The following HIP1R variants were observed in gnomAD, a reference collection of about 807,000 sequenced individuals.
HIP1R encodes the protein huntingtin interacting protein 1 related.
A neutral mutation model predicts 144.2 loss-of-function variants in HIP1R; 135 were observed. That is an observed-to-expected ratio of 0.94 (90% CI 0.81 to 1.08). The LOEUF (loss-of-function observed/expected upper bound fraction) is 1.08, where lower values mean the gene tolerates loss of function less well. HIP1R is among the 50% of genes least tolerant of loss of function. The pLI is 0.00. For synonymous variants in HIP1R, 698 were observed against 612.8 expected (o/e 1.14, Z -2.05); for missense variants, 1,462 against 1,432.8 (o/e 1.02, Z -0.33).
Position 122,861,296 on chromosome 12 carries a change from G to T in HIP1R, c.2953-12G>T. ...GAGGCTGGGCTGGGCTGAGCAGGCC[G>T]TGTGGCTACAGGTGCGTGTCCTGGA... On this transcript the variant is annotated splice_polypyrimidine_tract_variant and intron_variant, in intron 30 of 31. Transcript: ENST00000253083. The T allele has an allele frequency of 6.2e-7, 1 of 1,613,646 alleles. No homozygotes were observed. The highest frequency in any genetic ancestry group is 8.5e-7 in the Non-Finnish European group (1 of 1,179,962).
chr12:122,836,288 G>A lies in HIP1R; in HGVS notation c.93+645G>A, dbSNP rs1015780891. On this transcript the variant is annotated intron_variant, in intron 1 of 31. Coordinates refer to ENST00000253083, the MANE Select transcript of HIP1R (RefSeq NM_003959.3). The surrounding 1 kb of genome is among the most constrained non-coding windows in gnomAD (Gnocchi z 4.1). ...CGCCAGACTTGTTTGCCCGAGCGCTGCCCACGTATAAATAGGTGCACACCC... is the reference window on the plus strand; with the variant it reads ...CGCCAGACTTGTTTGCCCGAGCGCTACCCACGTATAAATAGGTGCACACCC... Among the ~76,000 whole-genome samples, 3 of 152,174 alleles carry A rather than the reference G, an allele frequency of 2.0e-5. No individual in the cohort carries two copies. Among genetic ancestry groups the A allele is most frequent in the Admixed American group, 6.5e-5 (1 of 15,280 alleles).
chr12:122,862,201 T>A lies in HIP1R; in HGVS notation c.*448T>A. ...AAGGCACACAGCCCGTGCCGGCTGA[T>A]GGGACGAGGGTCAGGCATCCTGTCT... On this transcript the variant is annotated 3_prime_UTR_variant, in exon 32 of 32. Coordinates refer to ENST00000253083, the MANE Select transcript of HIP1R (RefSeq NM_003959.3). 6.0e-6 allele frequency: 1 copy of A among 166,632 alleles called. No individual in the cohort carries two copies. Among genetic ancestry groups the A allele is most frequent in the East Asian group, 1.8e-4 (1 of 5,440 alleles). 10.3% of individuals were successfully genotyped at this position (166,632 alleles called of 1,614,324 possible). A position where few individuals can be genotyped will look rare whatever the true frequency, so the allele number is the denominator to read the frequency against.
intron 1 of HIP1R, among the ~76,000 whole-genome samples, chr12:122,847,092 G>A (rs2033230292): frequency 6.6e-6 from 1 of 152,208 alleles, no homozygotes; most frequent in Admixed American, 6.5e-5. Context: ...TCGAGGCCCT[G>A]TCCCTCCCGC....
chr12:122,840,478 C>T lies in HIP1R; in HGVS notation c.93+4835C>T, dbSNP rs2033027434. On this transcript the variant is annotated intron_variant, in intron 1 of 31. Coordinates refer to ENST00000253083, the MANE Select transcript of HIP1R (RefSeq NM_003959.3). This position sits in a 1 kb window ranked among gnomAD's most constrained non-coding sequence, Gnocchi z 4.2. ...CACCACTCTGCCTCAGTTTCCTTATCTACAAAATGGGGGCAATAATACTAC... is the reference window on the plus strand; with the variant it reads ...CACCACTCTGCCTCAGTTTCCTTATTTACAAAATGGGGGCAATAATACTAC... Among the ~76,000 whole-genome samples the T allele has an allele frequency of 6.6e-6, 1 of 152,232 alleles. No homozygotes were observed. Among genetic ancestry groups the T allele is most frequent in the Admixed American group, 6.5e-5 (1 of 15,288 alleles).
Position 122,858,855 on chromosome 12 carries a change from G to A in HIP1R, c.2068G>A (p.Ala690Thr), listed in dbSNP as rs1321284506. The stretch of plus-strand genomic sequence containing the variant: ...CCGCACAGACGCCTCCGCCCTGGTG[G>A]CAGCTCTGACCCGCTTCTCCCACCT... ...TSLADASALV[A>T]ALTRFSHLAA... is the part of the protein sequence containing the mutation. Residue 690 changes from alanine to threonine, a missense_variant, in exon 21 of 32, where the codon GCA becomes ACA. Ala to Thr is a moderately conservative substitution (Grantham distance 58). This residue lies in a region of HIP1R where 1,112 missense variants were observed against 1,011.7 expected (regional missense o/e 1.10). Transcript: ENST00000253083. The A allele has an allele frequency of 1.2e-6, 2 of 1,613,122 alleles. No homozygotes were observed. The highest frequency in any genetic ancestry group is 3.3e-5 in the Admixed American group (2 of 60,024).
Position 122,836,138 on chromosome 12 carries a change from C to A in HIP1R, c.93+495C>A, listed in dbSNP as rs1025665834. On this transcript the variant is annotated intron_variant, in intron 1 of 31. Transcript: ENST00000253083. This position sits in a 1 kb window ranked among gnomAD's most constrained non-coding sequence, Gnocchi z 4.1. ...GCCCCCGTCTCCTACCCCCTGAAAC[C>A]GATGCCCCCACGGGCAATTTCCTTA... 2.6e-5 allele frequency among the ~76,000 whole-genome samples: 4 copies of A among 152,092 alleles called. No individual in the cohort carries two copies. Among genetic ancestry groups the A allele is most frequent in the Non-Finnish European group, 5.9e-5 (4 of 67,996 alleles).
rs112655537 is a variant in HIP1R at position 122,848,072 on chromosome 12, C to T, written c.135C>T (p.Pro45=). 2.1e-5 allele frequency: 34 copies of T among 1,613,536 alleles called. 1 individual carries two copies. Among genetic ancestry groups the T allele is most frequent in the African/African-American group, 9.3e-5 (7 of 75,024 alleles). The change falls in exon 2 of 32, where the codon CCC becomes CCT. Residue 45 remains proline (P), a synonymous_variant. Coordinates refer to ENST00000253083, the MANE Select transcript of HIP1R (RefSeq NM_003959.3). ...AAGCCATCAACACCCAGGAGGCCCC[C>T]GTGAAGGAGAAGCACGCCCGGCGTA... is the stretch of plus-strand genomic sequence containing the variant. The part of the protein sequence containing the change: ...ISKAINTQEA[P]VKEKHARRII...
chr12:122,842,640 G>T (rs1240648348), intron 1 of HIP1R, among the ~76,000 whole-genome samples: 1 of 152,226 alleles, frequency 6.6e-6, no homozygotes. Flanking sequence ...GGCGTGTGGG[G>T]CAGCCGCTGC....
Position 122,862,020 on chromosome 12 carries a change from C to T in HIP1R, c.*267C>T. The T allele has an allele frequency of 4.3e-6, 2 of 469,552 alleles. No individual in the cohort carries two copies. Among genetic ancestry groups the T allele is most frequent in the Non-Finnish European group, 7.5e-6 (2 of 267,008 alleles). The allele number at this position is 469,552 out of a possible 1,614,324, so 29.1% of individuals were successfully genotyped here. A position where few individuals can be genotyped will look rare whatever the true frequency, so the allele number is the denominator to read the frequency against. ...CCGGTAGGCCTGAGCCTCAACTCTT[C>T]AGAAAATAGTGTTTTTAATATTCCT... On this transcript the variant is annotated 3_prime_UTR_variant, in exon 32 of 32. Transcript: ENST00000253083.
intron 7 of HIP1R, among the ~76,000 whole-genome samples, chr12:122,852,679 C>T (rs1211917312): frequency 6.6e-6 from 1 of 152,190 alleles, no homozygotes. Flanking sequence ...ACGTCCTAAA[C>T]ATGCCTCAGC....
chr12:122,850,303 C>G (rs761481775), intron 5 of HIP1R: 1 of 481,780 alleles, frequency 2.1e-6, no homozygotes, highest in Non-Finnish European at 4.0e-6. Context: ...CTGGGTCTGC[C>G]AAGAGCAGGG....
chr12:122,838,014 G>C (rs1407486013), intron 1 of HIP1R, among the ~76,000 whole-genome samples: 1 of 132,862 alleles, frequency 7.5e-6, no homozygotes, highest in Admixed American at 7.1e-5. Flanking sequence ...CCACAGCACT[G>C]TGTGCTGTGG....
In HIP1R at chr12:122,861,518, C is replaced by T. The variant is rs1175745187; in HGVS notation, c.3159+4C>T. On this transcript the variant is annotated splice_donor_region_variant and intron_variant, in intron 31 of 31. Coordinates refer to ENST00000253083, the MANE Select transcript of HIP1R (RefSeq NM_003959.3). The stretch of plus-strand genomic sequence containing the variant: ...GGCCCCCAGACAGGACCACCAGGTG[C>T]CGTCTGCACTGGGATGGGGGAGTTC... 6.2e-7 allele frequency: 1 copy of T among 1,608,822 alleles called. No homozygotes were observed. Among genetic ancestry groups the T allele is most frequent in the Non-Finnish European group, 8.5e-7 (1 of 1,177,792 alleles).
upstream of HIP1R, chr12:122,835,423 G>T: frequency 8.8e-7 from 1 of 1,134,814 alleles, no homozygotes; most frequent in South Asian, 3.9e-5. Context: ...GGGGCGAGGC[G>T]GGCTCCTCCC....
chr12:122,857,344 G>T, intron 18 of HIP1R, 129 bp downstream of exon 18: 5 of 887,400 alleles, frequency 5.6e-6, no homozygotes, highest in Non-Finnish European at 8.9e-6. Context: ...ATCCTTTTGT[G>T]TCCGGCTTCT....
rs148689253 is a variant in HIP1R at position 122,855,893 on chromosome 12, T to C, written c.1118T>C (p.Ile373Thr). 2 of 971,980 alleles carry C rather than the reference T, an allele frequency of 2.1e-6. No homozygotes were observed. Among genetic ancestry groups the C allele is most frequent in the Non-Finnish European group, 3.0e-6 (2 of 668,222 alleles). The allele number at this position is 971,980 out of a possible 1,614,324, so 60.2% of individuals were successfully genotyped here. ...ATGCTCCGCTCTGAACTGGAGAAGA[T>C]CAAGCTGGAGGTGCGGGGTGGGGAT... ...VEMLRSELEKIKLEAQRYIAQ... is the reference protein window; with the variant it reads ...VEMLRSELEKTKLEAQRYIAQ... Residue 373 changes from isoleucine (I) to threonine (T), a missense_variant, in exon 13 of 32, where the codon ATC (isoleucine) becomes ACC (threonine). Physicochemically the swap from Ile to Thr is moderately conservative, Grantham distance 89 (BLOSUM62 -1). Transcript: ENST00000253083.
chr12:122,858,557 G>GC (rs1223371354), intron 20 of HIP1R, 122 bp downstream of exon 20: 1 of 792,436 alleles, frequency 1.3e-6, no homozygotes, highest in African/African-American at 1.7e-5. Context: ...CCAAGCAGAT[G>GC]CCCCCTGCCT....
rs2032859940 is a variant in HIP1R, at chr12:122,835,585, T to C, written c.35T>C (p.Leu12Pro). 2 of 1,333,558 alleles carry C rather than the reference T, an allele frequency of 1.5e-6. No individual in the cohort carries two copies. Among genetic ancestry groups the C allele is most frequent in the East Asian group, 3.6e-5 (1 of 27,692 alleles). The allele number at this position is 1,333,558 out of a possible 1,614,324, so 82.6% of individuals were successfully genotyped here. A position where few individuals can be genotyped will look rare whatever the true frequency, so the allele number is the denominator to read the frequency against. Residue 12 changes from leucine (L) to proline (P), a missense_variant, in exon 1 of 32, where the codon CTG (leucine) becomes CCG (proline). Physicochemically the swap from Leu to Pro is moderately conservative, Grantham distance 98. Transcript: ENST00000253083. ...ATCAAGAACGTGCCGGCGCGGGTGC[T>C]GAGCCGCAGGCCGGGCCACAGCCTG... ...NSIKNVPARV[L>P]SRRPGHSLEA...
chr12:122,855,260 T>C lies in HIP1R; in HGVS notation c.853-5T>C, dbSNP rs2033530774. On this transcript the variant is annotated splice_polypyrimidine_tract_variant and splice_region_variant and intron_variant, in intron 10 of 31. Transcript: ENST00000253083. ...CTGAGCAGGTCCCACCTGCCGCCCCTGCAGGGACCCCCTAACTTCCTGCGG... is the reference window on the plus strand; with the variant it reads ...CTGAGCAGGTCCCACCTGCCGCCCCCGCAGGGACCCCCTAACTTCCTGCGG... The C allele has an allele frequency of 1.9e-6, 3 of 1,612,692 alleles. No homozygotes were observed. Among genetic ancestry groups the C allele is most frequent in the African/African-American group, 1.3e-5 (1 of 75,052 alleles).
Sources: allele counts gnomAD v4.1 joint callset (sites outside exome capture counted in the v4.1 genomes callset), GRCh38; gene constraint gnomAD v4.1.1; regional missense constraint gnomAD v4.1.1; non-coding constraint Gnocchi (gnomAD v3.1); transcripts MANE v1.5; gene names NCBI Gene and HGNC (gene_info 2026-07-23, HGNC 2026-07-21).